BCL2L14: variants seen among roughly 807,000 people sequenced by gnomAD.
BCL2L14 encodes apoptosis facilitator Bcl-2-like protein 14.
A neutral mutation model predicts 35.3 loss-of-function variants in BCL2L14; 27 were observed. That is an observed-to-expected ratio of 0.76 (90% confidence interval 0.56 to 1.05). BCL2L14 has a LOEUF of 1.05. Ranked by LOEUF, BCL2L14 falls within the 50% of genes least tolerant of loss-of-function variation. BCL2L14 has a pLI of 0.00. For missense variants in BCL2L14, 377 were observed against 382.6 expected (o/e 0.99, Z 0.12); for synonymous variants, 139 against 145.9 (o/e 0.95, Z 0.34).
upstream of BCL2L14, among the ~76,000 whole-genome samples, chr12:12,066,035 C>T (rs894484813): frequency 6.6e-6 from 1 of 152,136 alleles, no homozygotes; most frequent in Non-Finnish European, 1.5e-5. Context: ...AGATGATCCA[C>T]CCACCTCGGC....
At chr12:12,088,061 G>A (rs995912465) in intron 3 of BCL2L14, among the ~76,000 whole-genome samples, 7 of 152,190 alleles carry the variant, frequency 4.6e-5, no homozygotes, top group South Asian at 2.1e-4. Flanking sequence ...TTGTGATGAC[G>A]CAGCCTCATT....
At chr12:12,051,553 C>A (rs2136703744) in intron 1 of BCL2L14, among the ~76,000 whole-genome samples, 1 of 145,838 alleles carries the variant, frequency 6.9e-6, no homozygotes, top group African/African-American at 2.4e-5. Flanking sequence ...ATCAAATTTA[C>A]CCCCTGGTAA....
rs1027921929 is a variant in BCL2L14, at chr12:12,080,740, T to C, written c.433+1002T>C. On this transcript the variant is annotated intron_variant, in intron 2 of 5. Transcript: ENST00000308721. Reference sequence around the variant, plus strand: ...TCTGTGTTTCCATCTGTACATTGGGTACCCCACTCTCTCCACCTCGTATGG... The same window carrying C: ...TCTGTGTTTCCATCTGTACATTGGGCACCCCACTCTCTCCACCTCGTATGG... Among the ~76,000 whole-genome samples, 3 of 152,110 alleles carry C rather than the reference T, an allele frequency of 2.0e-5. No homozygotes were observed. The East Asian group carries it at 5.8e-4, about 29-fold the overall frequency.
At chr12:12,074,982 CTGTA>C (rs568441180) in intron 1 of BCL2L14, among the ~76,000 whole-genome samples, 2,573 of 15,534 alleles carry the variant, frequency 0.17, 39 homozygotes, top group African/African-American at 0.28. Flanking sequence ...AAAACATACA[CTGTA>C]CTGTGTTTAG....
At chr12:12,094,388 C>G in intron 4 of BCL2L14, 1 of 854,750 alleles carries the variant, frequency 1.2e-6, no homozygotes, top group Non-Finnish European at 1.9e-6. Flanking sequence ...TACTACCTGC[C>G]CATTATAAGT....
chr12:12,090,941 C>A, intron 4 of BCL2L14, 92 bp downstream of exon 4: 3 of 907,744 alleles, frequency 3.3e-6, no homozygotes, highest in Non-Finnish European at 3.2e-6. Context: ...AACCTTATTC[C>A]CTTTCTAAGT....
Position 12,094,943 on chromosome 12 carries a change from T to C in BCL2L14, c.945+13T>C. 1 of 1,605,458 alleles carries C rather than the reference T, an allele frequency of 6.2e-7. No homozygotes were observed. Among genetic ancestry groups the C allele is most frequent in the Non-Finnish European group, 8.5e-7 (1 of 1,178,084 alleles). ...GCACGGTGGATGGGTAAGCGTATCC[T>C]ATTTAAAAACAAATTTTCTCAGAAC... On this transcript the variant is annotated intron_variant, in intron 5 of 5. Coordinates refer to ENST00000308721, the MANE Select transcript of BCL2L14 (RefSeq NM_138723.2).
At chr12:12,058,842 C>T (rs1047194882) in intron 2 of BCL2L14, among the ~76,000 whole-genome samples, 37 of 152,356 alleles carry the variant, frequency 2.4e-4, no homozygotes, top group Admixed American at 7.2e-4. Flanking sequence ...CCTGTCCTCC[C>T]ACTCTTTGCT....
chr12:12,092,522 G>C (rs950587618), intron 4 of BCL2L14, among the ~76,000 whole-genome samples: 2 of 152,124 alleles, frequency 1.3e-5, no homozygotes, highest in South Asian at 2.1e-4. Flanking sequence ...CAGCCCGAAG[G>C]CCCATCCTAC....
chr12:12,079,261 C>T, intron 1 of BCL2L14, 38 bp from the exon 2 acceptor site: 6 of 1,559,844 alleles, frequency 3.8e-6, no homozygotes, highest in Non-Finnish European at 5.2e-6. Context: ...GTAAGTGGCC[C>T]TGCATAGAAG....
At chr12:12,090,924 AGG>A in intron 4 of BCL2L14, 75 bp downstream of exon 4, 1 of 1,215,834 alleles carries the variant, frequency 8.2e-7, no homozygotes, top group Non-Finnish European at 1.2e-6. Flanking sequence ...ATTGTATTCC[AGG>A]TTGCAACCTT....
chr12:12,072,883 T>A (rs1948697288), intron 1 of BCL2L14, among the ~76,000 whole-genome samples: 3 of 151,854 alleles, frequency 2.0e-5, no homozygotes, highest in Admixed American at 2.0e-4. Flanking sequence ...TGGGTTTTTT[T>A]TTTTCTTTAT....
intron 1 of BCL2L14, among the ~76,000 whole-genome samples, chr12:12,050,432 CAAAA>C (rs774928633): frequency 4.3e-5 from 3 of 70,120 alleles, no homozygotes; most frequent in African/African-American, 8.7e-5. Context: ...GACACCATCT[CAAAA>C]AAAAAAAAAA....
intron 2 of BCL2L14, among the ~76,000 whole-genome samples, chr12:12,060,155 C>T (rs1948499549): frequency 2.6e-5 from 4 of 151,546 alleles, no homozygotes; most frequent in South Asian, 4.2e-4. Context: ...TTATCACCTC[C>T]CCTCCTCACA....
rs528182011 is a variant in BCL2L14 at position 12,094,220 on chromosome 12, CTAAG to C, written c.679-439_679-436del. Among the ~76,000 whole-genome samples, 7 of 152,136 alleles carry C rather than the reference CTAAG, an allele frequency of 4.6e-5. No individual in the cohort carries two copies. The South Asian group carries it at 8.3e-4, about 18-fold the overall frequency. ...GGTTAATTTCCCCAAGATTGCATAG[CTAAG>C]TAAGAGGTGGACCCAGGGGTTTGAG... On this transcript the variant is annotated intron_variant, in intron 4 of 5. Transcript: ENST00000308721.
chr12:12,063,478 C>T (rs1251492857), intron 2 of BCL2L14, among the ~76,000 whole-genome samples: 1 of 149,116 alleles, frequency 6.7e-6, no homozygotes, highest in Non-Finnish European at 1.5e-5. Context: ...CTTCTAACAG[C>T]CCCACAATAT....
chr12:12,050,755 C>T (rs564426184), intron 1 of BCL2L14, among the ~76,000 whole-genome samples: 1 of 131,398 alleles, frequency 7.6e-6, no homozygotes, highest in African/African-American at 3.0e-5. Context: ...TTGTCTTGGG[C>T]CACACATAAA....
intron 2 of BCL2L14, among the ~76,000 whole-genome samples, chr12:12,052,966 G>A (rs1484433843): frequency 2.6e-5 from 4 of 152,154 alleles, no homozygotes; most frequent in South Asian, 2.1e-4. Flanking sequence ...AGAGCAAGAC[G>A]GTTCATGAAT....
intron 4 of BCL2L14, among the ~76,000 whole-genome samples, chr12:12,092,559 G>T (rs1252191261): frequency 1.3e-5 from 2 of 152,226 alleles, no homozygotes; most frequent in Non-Finnish European, 2.9e-5. Flanking sequence ...AAAGAGCCAG[G>T]TGCACCCGAG....
Sources: gnomAD v4.1 joint callset for allele counts (sites outside exome capture counted in the v4.1 genomes callset) on GRCh38, gnomAD v4.1.1 for gene constraint, MANE v1.5 for transcripts, NCBI Gene and HGNC (gene_info 2026-07-23, HGNC 2026-07-21) for gene names.